Variants in MAP7 observed in about 807,000 individuals in gnomAD.
MAP7 encodes the protein ensconsin.
A neutral mutation model predicts 94.8 loss-of-function variants in MAP7; 52 were observed. The observed-to-expected ratio is 0.55, with a 90% confidence interval of 0.44 to 0.69. The LOEUF (loss-of-function observed/expected upper bound fraction) is 0.69, where lower values mean the gene tolerates loss of function less well. MAP7 is among the 30% of genes least tolerant of loss of function. The pLI is 0.00. For missense variants in MAP7, 940 were observed against 964.6 expected (o/e 0.97, Z 0.34); for synonymous variants, 350 against 357.0 (o/e 0.98, Z 0.22).
chr6:136,510,112 G>C (rs1747804984), intron 1 of MAP7, among the ~76,000 whole-genome samples: 1 of 152,212 alleles, frequency 6.6e-6, no homozygotes, highest in African/African-American at 2.4e-5. Context: ...TGAGACAGGA[G>C]AATTGCTTGA....
intron 13 of MAP7, 122 bp from the exon 14 acceptor site, chr6:136,360,153 CTT>C (rs200986298): frequency 0.023 from 13,833 of 588,958 alleles, no homozygotes; most frequent in South Asian, 0.03. Context: ...ACAATATGCA[CTT>C]TTTTTTTTTT....
chr6:136,388,662 A>G, intron 4 of MAP7, 152 bp from the exon 5 acceptor site: 2 of 579,834 alleles, frequency 3.4e-6, no homozygotes, highest in East Asian at 3.1e-5. Context: ...AGGTGAGACT[A>G]GTGTCAATCT....
Position 136,550,283 on chromosome 6 carries a change from C to G in MAP7, c.67+59G>C. The G allele has an allele frequency of 4.3e-6, 6 of 1,391,724 alleles. No individual in the cohort carries two copies. Among genetic ancestry groups the G allele is most frequent in the Non-Finnish European group, 5.6e-6 (6 of 1,063,472 alleles). The allele number at this position is 1,391,724 out of a possible 1,614,324, so 86.2% of individuals were successfully genotyped here. A position where few individuals can be genotyped will look rare whatever the true frequency, so the allele number is the denominator to read the frequency against. The stretch of plus-strand genomic sequence containing the variant: ...CCGGGTGATTTCGGTGCCAGCCCGC[C>G]GGCCCCGCTCGCCGTCCCCTGCCCG... On this transcript the variant is annotated intron_variant, in intron 1 of 17. Transcript: ENST00000354570. The surrounding 1 kb of genome is among the most constrained non-coding windows in gnomAD (Gnocchi z 5.1).
chr6:136,480,579 T>G (rs1025710831), intron 1 of MAP7, among the ~76,000 whole-genome samples: 1 of 144,522 alleles, frequency 6.9e-6, no homozygotes, highest in Non-Finnish European at 1.5e-5. Flanking sequence ...GAGGCAGAGC[T>G]TGCAGTGAGT....
chr6:136,521,016 G>A (rs188332017), intron 1 of MAP7, among the ~76,000 whole-genome samples: 56 of 152,234 alleles, frequency 3.7e-4, no homozygotes, highest in Admixed American at 7.2e-4. Context: ...ACTGAGGCAG[G>A]CCATGTAATG....
chr6:136,431,687 T>G (rs1021708413), intron 1 of MAP7, among the ~76,000 whole-genome samples: 1 of 152,042 alleles, frequency 6.6e-6, no homozygotes. Flanking sequence ...CTGGCTAATT[T>G]TTGAATTTTT....
rs141048264 is a variant in MAP7, at chr6:136,410,377, C to A, written c.244+1243G>T. ...TCATCTTCCAGTTTCAGCAGCTCTG[C>A]CTTCATCCTCTCTCAGTTCTGGTTT... On this transcript the variant is annotated intron_variant, in intron 3 of 17. Transcript: ENST00000354570. 3.7e-3 allele frequency among the ~76,000 whole-genome samples: 561 copies of A among 152,330 alleles called. 7 individuals carry two copies. The highest frequency in any genetic ancestry group is 0.013 in the African/African-American group (535 of 41,562).
intron 1 of MAP7, among the ~76,000 whole-genome samples, chr6:136,481,771 G>A (rs1189091365): frequency 6.6e-6 from 1 of 152,130 alleles, no homozygotes; most frequent in Non-Finnish European, 1.5e-5. Context: ...TAACTGGATT[G>A]TTTGTTACAC....
At chr6:136,455,090 A>ATAG (rs1802467906) in intron 1 of MAP7, among the ~76,000 whole-genome samples, 1 of 151,722 alleles carries the variant, frequency 6.6e-6, no homozygotes, top group African/African-American at 2.4e-5. Context: ...CCCTTTCTGG[A>ATAG]TCCTTGGTCA....
At chr6:136,411,591 C>A in intron 3 of MAP7, 29 bp downstream of exon 3, 1 of 1,546,998 alleles carries the variant, frequency 6.5e-7, no homozygotes, top group South Asian at 1.2e-5. Context: ...CCATTCAAAT[C>A]AGGGCCATGG....
chr6:136,494,790 A>G (rs1178353465), intron 1 of MAP7, among the ~76,000 whole-genome samples: 1 of 152,170 alleles, frequency 6.6e-6, no homozygotes, highest in East Asian at 1.9e-4. Context: ...TAAAAACAAA[A>G]CTTGAGATGA....
chr6:136,444,355 C>A lies in MAP7; in HGVS notation c.68-22556G>T, dbSNP rs561414846. Among the ~76,000 whole-genome samples the A allele has an allele frequency of 4.3e-4, 66 of 152,342 alleles. 1 individual carries two copies. The highest frequency in any genetic ancestry group is 6.2e-4 in the South Asian group (3 of 4,828). On this transcript the variant is annotated intron_variant, in intron 1 of 17. Coordinates refer to ENST00000354570, the MANE Select transcript of MAP7 (RefSeq NM_003980.6). ...ATCTGATGTACACCAAAGTTGAAAA[C>A]CACTGCACTATGCTACTTTACTGCT...
intron 1 of MAP7, among the ~76,000 whole-genome samples, chr6:136,495,702 G>A (rs1818014135): frequency 6.6e-6 from 1 of 152,030 alleles, no homozygotes; most frequent in South Asian, 2.1e-4. Flanking sequence ...TTTCTCTACA[G>A]GGGTTTCTAT....
intron 1 of MAP7, among the ~76,000 whole-genome samples, chr6:136,457,764 C>T (rs1383378529): frequency 6.6e-6 from 1 of 151,970 alleles, no homozygotes; most frequent in Non-Finnish European, 1.5e-5. Flanking sequence ...CCTTTCATGA[C>T]AAAAGCTCTC....
rs534827205 is a variant in MAP7 at position 136,435,969 on chromosome 6, C to T, written c.68-14170G>A. The stretch of plus-strand genomic sequence containing the variant: ...AGGCTTTTGTGGGTTATCAGTTATA[C>T]ATGAAATATTTTTATAATGTGCAAA... On this transcript the variant is annotated intron_variant, in intron 1 of 17. Transcript: ENST00000354570. Among the ~76,000 whole-genome samples, 4 of 152,224 alleles carry T rather than the reference C, an allele frequency of 2.6e-5. No homozygotes were observed. In the South Asian group the frequency reaches 8.3e-4, roughly 32 times the overall value.
At chr6:136,498,331 G>T (rs1470704585) in intron 1 of MAP7, among the ~76,000 whole-genome samples, 2 of 152,036 alleles carry the variant, frequency 1.3e-5, no homozygotes, top group African/African-American at 4.8e-5. Flanking sequence ...AGGGAATAGG[G>T]CCCGTACATA....
chr6:136,452,860 G>A (rs1312816676), intron 1 of MAP7, among the ~76,000 whole-genome samples: 3 of 152,054 alleles, frequency 2.0e-5, no homozygotes, highest in African/African-American at 7.2e-5. Context: ...GCCACTATTT[G>A]TAATGAAAAT....
At chr6:136,498,767 G>A (rs1819023006) in intron 1 of MAP7, among the ~76,000 whole-genome samples, 1 of 152,012 alleles carries the variant, frequency 6.6e-6, no homozygotes, top group African/African-American at 2.4e-5. Flanking sequence ...GTGTGTGTGT[G>A]TGTGTGGAAA....
intron 1 of MAP7, among the ~76,000 whole-genome samples, chr6:136,518,575 C>T (rs1015907772): frequency 3.3e-5 from 5 of 152,108 alleles, no homozygotes; most frequent in Non-Finnish European, 5.9e-5. Flanking sequence ...ATGGAAGGTG[C>T]AACATAAAGT....
Sources: gnomAD v4.1 joint callset for allele counts (sites outside exome capture counted in the v4.1 genomes callset) on GRCh38, gnomAD v4.1.1 for gene constraint, Gnocchi (gnomAD v3.1) non-coding constraint, MANE v1.5 for transcripts, NCBI Gene and HGNC (gene_info 2026-07-23, HGNC 2026-07-21) for gene names.